Variants in MLLT3 observed in about 807,000 individuals in gnomAD.
MLLT3 encodes the protein protein AF-9.
Under a neutral mutation model 53.2 loss-of-function variants are expected in MLLT3, and 4 were observed. That is an observed-to-expected ratio of 0.08 (90% CI 0.04 to 0.17). MLLT3 has a LOEUF of 0.17. MLLT3 is among the 10% of genes least tolerant of loss of function. MLLT3 has a pLI of 1.00. For synonymous variants in MLLT3, 283 were observed against 230.6 expected (o/e 1.23, Z -2.06); for missense variants, 569 against 684.0 (o/e 0.83, Z 1.87).
At chr9:20,426,361 C>T (rs1015281521) in intron 4 of MLLT3, among the ~76,000 whole-genome samples, 5 of 152,044 alleles carry the variant, frequency 3.3e-5, no homozygotes, top group Non-Finnish European at 7.4e-5. Flanking sequence ...TCTCTTAGTA[C>T]TAGCTTGATT....
intron 2 of MLLT3, among the ~76,000 whole-genome samples, chr9:20,466,888 G>A (rs1586970946): frequency 6.6e-6 from 1 of 152,158 alleles, no homozygotes; most frequent in South Asian, 2.1e-4. Flanking sequence ...AGTCACTGGG[G>A]CTTAATATTA....
chr9:20,567,829 A>G (rs899179861), intron 2 of MLLT3, among the ~76,000 whole-genome samples: 5 of 152,142 alleles, frequency 3.3e-5, no homozygotes, highest in Non-Finnish European at 7.4e-5. Context: ...CCCTGAAACT[A>G]ACAGGTCTTC....
chr9:20,481,744 T>G (rs531099140), intron 2 of MLLT3, among the ~76,000 whole-genome samples: 2 of 152,206 alleles, frequency 1.3e-5, no homozygotes, highest in African/African-American at 4.8e-5. Flanking sequence ...GAATGGAGCA[T>G]TGGAGAAAAT....
intron 4 of MLLT3, among the ~76,000 whole-genome samples, chr9:20,426,212 A>G (rs1437388184): frequency 6.6e-6 from 1 of 152,088 alleles, no homozygotes; most frequent in Non-Finnish European, 1.5e-5. Flanking sequence ...ACTTCTGCCT[A>G]TCTTTGTGGT....
chr9:20,530,196 C>A (rs576801990), intron 2 of MLLT3, among the ~76,000 whole-genome samples: 2 of 152,244 alleles, frequency 1.3e-5, no homozygotes, highest in Admixed American at 1.3e-4. Flanking sequence ...AAAACAGTAT[C>A]TCAATAAACT....
intron 2 of MLLT3, chr9:20,532,828 C>T: frequency 3.8e-6 from 1 of 259,954 alleles, no homozygotes; most frequent in East Asian, 9.5e-5. Context: ...CATTAAACAG[C>T]TACTCAGCTG....
In MLLT3 at chr9:20,346,038, T is replaced by TA. The variant is rs1820857369; in HGVS notation, c.*404dup. The TA allele has an allele frequency of 4.1e-6, 1 of 242,138 alleles. No individual in the cohort carries two copies. Among genetic ancestry groups the TA allele is most frequent in the Non-Finnish European group, 8.1e-6 (1 of 122,940 alleles). The allele number at this position is 242,138 out of a possible 1,614,324, so 15.0% of individuals were successfully genotyped here. ...TAGAATATCTGTATGCGATAATAAA[T>TA]AGATCAGTTATGTAATAAGGCAGTG... On this transcript the variant is annotated 3_prime_UTR_variant, in exon 11 of 11. Transcript: ENST00000380338.
intron 9 of MLLT3, 122 bp downstream of exon 9, chr9:20,354,686 G>T: frequency 1.5e-6 from 1 of 671,378 alleles, no homozygotes. Context: ...CATCATTTGG[G>T]CATCTTGGAC....
chr9:20,586,767 A>T (rs535091254), intron 2 of MLLT3, among the ~76,000 whole-genome samples: 1 of 152,256 alleles, frequency 6.6e-6, no homozygotes, highest in South Asian at 2.1e-4. Flanking sequence ...TGGTTAGGGA[A>T]GTGGGGAAAT....
rs968012526 is a variant in MLLT3 at position 20,343,353 on chromosome 9, CT to C, written c.*3089del. 4.8e-6 allele frequency: 1 copy of C among 210,076 alleles called. No homozygotes were observed. The highest frequency in any genetic ancestry group is 2.3e-5 in the African/African-American group (1 of 43,806). The allele number at this position is 210,076 out of a possible 1,614,324, so 13.0% of individuals were successfully genotyped here. A position where few individuals can be genotyped will look rare whatever the true frequency, so the allele number is the denominator to read the frequency against. On this transcript the variant is annotated 3_prime_UTR_variant, in exon 11 of 11. Coordinates refer to ENST00000380338, the MANE Select transcript of MLLT3 (RefSeq NM_004529.4). ...CACTCTCTTAAGAGATATTTTTTTC[CT>C]GATCTGAAGTTTTTATAGTCTTCCC...
At chr9:20,568,953 T>A (rs951572126) in intron 2 of MLLT3, among the ~76,000 whole-genome samples, 25 of 152,026 alleles carry the variant, frequency 1.6e-4, no homozygotes, top group African/African-American at 6.0e-4. Context: ...TTAAGATGTC[T>A]CAGAGAAAAA....
chr9:20,380,506 A>AT (rs1821881988), intron 5 of MLLT3, among the ~76,000 whole-genome samples: 1 of 152,046 alleles, frequency 6.6e-6, no homozygotes, highest in South Asian at 2.1e-4. Flanking sequence ...TGGAATCATT[A>AT]TTCAGGAATT....
chr9:20,344,483 C>CA lies in MLLT3; in HGVS notation c.*1959dup, dbSNP rs1363480845. On this transcript the variant is annotated 3_prime_UTR_variant, in exon 11 of 11. Transcript: ENST00000380338. The stretch of plus-strand genomic sequence containing the variant: ...ACGCAACTGAAACCACACAATTCAT[C>CA]AATCACCTAATGTCCAAAATGACTC... 7 of 220,108 alleles carry CA rather than the reference C, an allele frequency of 3.2e-5. No homozygotes were observed. The highest frequency in any genetic ancestry group is 1.3e-4 in the African/African-American group (6 of 44,628). The allele number at this position is 220,108 out of a possible 1,614,324, so 13.6% of individuals were successfully genotyped here.
chr9:20,557,178 C>G (rs2131148275), intron 2 of MLLT3, among the ~76,000 whole-genome samples: 1 of 152,164 alleles, frequency 6.6e-6, no homozygotes, highest in East Asian at 1.9e-4. Flanking sequence ...CAGTCCTCCT[C>G]AAATTCCACC....
intron 2 of MLLT3, among the ~76,000 whole-genome samples, chr9:20,565,964 A>T (rs796237482): frequency 1.9e-4 from 5 of 26,118 alleles, no homozygotes; most frequent in Admixed American, 4.5e-4. Context: ...TTATATATAT[A>T]TATTTATATA....
chr9:20,360,769 T>C lies in MLLT3; in HGVS notation c.1404A>G (p.Pro468=). ...ASSPLHHEPP[P]PLLKTNNNQI... ...GGTTGTTGTTGGTTTTTAGTAAGGG[T>C]GGTGGAGGTTCGTGATGTAGGGGTG... Residue 468 remains proline (P), a synonymous_variant, in exon 8 of 11, where the codon CCA becomes CCG. Coordinates refer to ENST00000380338, the MANE Select transcript of MLLT3 (RefSeq NM_004529.4). 6.2e-7 allele frequency: 1 copy of C among 1,613,966 alleles called. No individual in the cohort carries two copies. Among genetic ancestry groups the C allele is most frequent in the Non-Finnish European group, 8.5e-7 (1 of 1,179,880 alleles).
intron 2 of MLLT3, among the ~76,000 whole-genome samples, chr9:20,476,415 T>C (rs1163720522): frequency 6.6e-6 from 1 of 152,160 alleles, no homozygotes; most frequent in African/African-American, 2.4e-5. Context: ...AGGTATCTCA[T>C]AGATTTCAGC....
At chr9:20,373,641 A>ACTCTT (rs1821678074) in intron 5 of MLLT3, among the ~76,000 whole-genome samples, 2 of 152,176 alleles carry the variant, frequency 1.3e-5, no homozygotes, top group African/African-American at 4.8e-5. Flanking sequence ...AGAGTACAGT[A>ACTCTT]TAACTAGTTA....
chr9:20,509,605 T>C (rs1476364229), intron 2 of MLLT3, among the ~76,000 whole-genome samples: 1 of 152,188 alleles, frequency 6.6e-6, no homozygotes, highest in Non-Finnish European at 1.5e-5. Flanking sequence ...ATAATTGAAA[T>C]ACTGTATGAT....
Sources: gnomAD v4.1 joint callset for allele counts (sites outside exome capture counted in the v4.1 genomes callset) on GRCh38, gnomAD v4.1.1 for gene constraint, MANE v1.5 for transcripts, NCBI Gene and HGNC (gene_info 2026-07-23, HGNC 2026-07-21) for gene names.